The following CACNA2D1 variants were observed in gnomAD, a reference collection of about 807,000 sequenced individuals.
CACNA2D1 encodes the protein voltage-dependent calcium channel subunit alpha-2/delta-1.
A neutral mutation model predicts 171.5 loss-of-function variants in CACNA2D1; 53 were observed. The ratio of observed to expected loss-of-function variants is 0.31; its 90% CI spans 0.25 to 0.39. The LOEUF (loss-of-function observed/expected upper bound fraction) is 0.39. Among genes scored for constraint, CACNA2D1 ranks in the 10% least tolerant of loss-of-function variants. The pLI, the probability that CACNA2D1 is intolerant of heterozygous loss-of-function variation, is 1.00. For missense variants in CACNA2D1, 903 were observed against 1,299.8 expected (o/e 0.69, Z 4.69); for synonymous variants, 442 against 443.1 (o/e 1.00, Z 0.03).
intron 29 of CACNA2D1, among the ~76,000 whole-genome samples, chr7:81,968,462 A>G (rs1447186056): frequency 6.6e-6 from 1 of 151,480 alleles, no homozygotes; most frequent in African/African-American, 2.4e-5. Context: ...AGAATATAGT[A>G]TAAATATGCC....
rs1013823273 is a variant in CACNA2D1 at position 82,072,275 on chromosome 7, C to A, written c.659-5751G>T. 2.6e-5 allele frequency among the ~76,000 whole-genome samples: 4 copies of A among 151,924 alleles called. No homozygotes were observed. The East Asian group carries it at 5.8e-4, about 22-fold the overall frequency. On this transcript the variant is annotated intron_variant, in intron 7 of 38. Transcript: ENST00000356860. ...TGATGAACACTTGAGGTGATGAATACCCCACTCACCCTTATGTGATTATTA... is the reference window on the plus strand; with the variant it reads ...TGATGAACACTTGAGGTGATGAATAACCCACTCACCCTTATGTGATTATTA...
At position 82,084,867 on chromosome 7, in the gene CACNA2D1, C is replaced by A. The variant is rs955984125; in HGVS notation, c.560G>T (p.Ser187Ile). The A allele has an allele frequency of 3.1e-6, 5 of 1,613,782 alleles. No individual in the cohort carries two copies. The highest frequency in any genetic ancestry group is 4.2e-6 in the Non-Finnish European group (5 of 1,179,694). ...TIVLNELNWT[S>I]ALDEVFKKNR... ...CTTTTTGAAAACTTCATCTAAGGCA[C>A]TTGTCCAGTTGAGTTCATTTAACAC... Residue 187 changes from serine (S) to isoleucine (I), a missense_variant, in exon 7 of 39, where the codon AGT (serine) becomes ATT (isoleucine). Ser to Ile is a moderately radical substitution (Grantham distance 142). This residue lies in a region of CACNA2D1 where 189 missense variants were observed against 266.8 expected (regional missense o/e 0.71). Coordinates refer to ENST00000356860, the MANE Select transcript of CACNA2D1 (RefSeq NM_000722.4).
chr7:82,246,196 G>T (rs965596166), intron 3 of CACNA2D1, among the ~76,000 whole-genome samples: 1 of 150,782 alleles, frequency 6.6e-6, no homozygotes, highest in Non-Finnish European at 1.5e-5. Context: ...AATATCTTAA[G>T]TACTGTCTTT....
intron 6 of CACNA2D1, among the ~76,000 whole-genome samples, chr7:82,101,934 T>C (rs1281915783): frequency 3.9e-5 from 6 of 152,186 alleles, no homozygotes; most frequent in African/African-American, 1.4e-4. Flanking sequence ...TTGAATTTTA[T>C]ATAATAAATT....
At chr7:81,984,851 T>C (rs1796794370) in intron 21 of CACNA2D1, 140 bp from the exon 22 acceptor site, 1 of 659,516 alleles carries the variant, frequency 1.5e-6, no homozygotes, top group South Asian at 1.6e-5. Context: ...GACAAGAAAA[T>C]GCATTCAGCA....
chr7:82,217,019 G>C (rs1801186241), intron 3 of CACNA2D1, among the ~76,000 whole-genome samples: 1 of 151,688 alleles, frequency 6.6e-6, no homozygotes, highest in South Asian at 2.1e-4. Context: ...GAGAATTAAT[G>C]TATAGTTGCC....
At chr7:82,351,931 G>A (rs1018822221) in intron 1 of CACNA2D1, among the ~76,000 whole-genome samples, 1 of 152,002 alleles carries the variant, frequency 6.6e-6, no homozygotes, top group South Asian at 2.1e-4. Flanking sequence ...CAAATAATAA[G>A]ACACGTTATA....
At chr7:82,350,876 A>G (rs1190544831) in intron 1 of CACNA2D1, among the ~76,000 whole-genome samples, 1 of 152,202 alleles carries the variant, frequency 6.6e-6, no homozygotes, top group East Asian at 1.9e-4. Flanking sequence ...CAGGTATGCA[A>G]TGGACATCTT....
intron 4 of CACNA2D1, among the ~76,000 whole-genome samples, chr7:82,147,193 T>C (rs1412139639): frequency 6.6e-6 from 1 of 151,998 alleles, no homozygotes; most frequent in African/African-American, 2.4e-5. Context: ...GTAGACTGAT[T>C]TCAGAGTTCA....
At chr7:82,085,715 T>A (rs1168161075) in intron 6 of CACNA2D1, among the ~76,000 whole-genome samples, 1 of 151,972 alleles carries the variant, frequency 6.6e-6, no homozygotes, top group African/African-American at 2.4e-5. Context: ...TTATTTCTAT[T>A]AATAATTAGA....
At chr7:82,202,160 G>A (rs540692514) in intron 3 of CACNA2D1, among the ~76,000 whole-genome samples, 1 of 152,294 alleles carries the variant, frequency 6.6e-6, no homozygotes, top group East Asian at 1.9e-4. Flanking sequence ...AGCCACTATT[G>A]TATGTACAAG....
chr7:82,213,607 G>T (rs959026746), intron 3 of CACNA2D1, among the ~76,000 whole-genome samples: 2 of 152,158 alleles, frequency 1.3e-5, no homozygotes, highest in South Asian at 4.1e-4. Context: ...ATACAAATTT[G>T]ATTATGCCAC....
rs147499376 is a variant in CACNA2D1, at chr7:81,971,860, G to A, written c.2058C>T (p.Asn686=). 5.4e-4 allele frequency: 856 copies of A among 1,591,744 alleles called. 1 individual carries two copies. The highest frequency in any genetic ancestry group is 3.4e-4 in the Non-Finnish European group (389 of 1,160,742). The change falls in exon 26 of 39, where the codon AAC becomes AAT. Residue 686 remains asparagine, a synonymous_variant. Transcript: ENST00000356860. The part of the protein sequence containing the change: ...DRKTPNNPSC[N]ADLINRVLLD... ...GCAAGACTCTATTAATCAAATCCGC[G>A]TTACCTAACACAGAAAAAGATCATC...
At chr7:82,396,244 G>C (rs1351705391) in intron 1 of CACNA2D1, among the ~76,000 whole-genome samples, 1 of 152,048 alleles carries the variant, frequency 6.6e-6, no homozygotes, top group Admixed American at 6.6e-5. Flanking sequence ...AGCACTTTGG[G>C]AGGCTGAGGC....
chr7:82,307,238 C>A (rs935764725), intron 3 of CACNA2D1, among the ~76,000 whole-genome samples: 37 of 152,116 alleles, frequency 2.4e-4, no homozygotes, highest in Admixed American at 9.2e-4. Flanking sequence ...CTCACTACAA[C>A]CACTGCCTCC....
intron 4 of CACNA2D1, among the ~76,000 whole-genome samples, chr7:82,167,370 C>T (rs777383110): frequency 1.3e-5 from 2 of 151,990 alleles, no homozygotes; most frequent in African/African-American, 2.4e-5. Flanking sequence ...GAACTGTATT[C>T]TGCTCTGGTC....
chr7:82,031,837 C>A (rs1387880257), intron 12 of CACNA2D1, among the ~76,000 whole-genome samples: 1 of 151,892 alleles, frequency 6.6e-6, no homozygotes, highest in African/African-American at 2.4e-5. Context: ...CTAGCAATAA[C>A]CACACCTTTC....
At chr7:82,223,530 T>G (rs1239261239) in intron 3 of CACNA2D1, among the ~76,000 whole-genome samples, 1 of 152,238 alleles carries the variant, frequency 6.6e-6, no homozygotes, top group Non-Finnish European at 1.5e-5. Context: ...CAGGGCATCC[T>G]TGCACTTTAG....
At chr7:82,354,711 T>C (rs74924553) in intron 1 of CACNA2D1, among the ~76,000 whole-genome samples, 2,815 of 152,224 alleles carry the variant, frequency 0.018, 25 homozygotes, top group South Asian at 0.042. Context: ...CCGGAGGTCA[T>C]CAGTTTCCAC....
Sources: gnomAD v4.1 joint callset for allele counts (sites outside exome capture counted in the v4.1 genomes callset) on GRCh38, gnomAD v4.1.1 for gene constraint, gnomAD v4.1.1 regional missense constraint, MANE v1.5 for transcripts, NCBI Gene and HGNC (gene_info 2026-07-23, HGNC 2026-07-21) for gene names.